The following PPP4R2 variants were observed in gnomAD, a reference collection of about 807,000 sequenced individuals.
The protein encoded by PPP4R2 is protein phosphatase 4 regulatory subunit 2, also known as serine/threonine-protein phosphatase 4 regulatory subunit 2.
A neutral mutation model predicts 47.2 loss-of-function variants in PPP4R2; 13 were observed. The observed-to-expected ratio is 0.28, with a 90% confidence interval of 0.18 to 0.44. The LOEUF is 0.44. PPP4R2 is among the 20% of genes least tolerant of loss of function. The pLI is 1.00. For synonymous variants in PPP4R2, 151 were observed against 163.3 expected (o/e 0.92, Z 0.57); for missense variants, 421 against 491.2 (o/e 0.86, Z 1.35).
chr3:73,059,206 A>G (rs1702792008), intron 4 of PPP4R2, 76 bp downstream of exon 4: 1 of 726,872 alleles, frequency 1.4e-6, no homozygotes, highest in Non-Finnish European at 2.2e-6. Flanking sequence ...ATTGAGTAAG[A>G]TCTGTTTCGG....
chr3:73,006,540 G>A (rs1677498161), intron 2 of PPP4R2, among the ~76,000 whole-genome samples: 1 of 152,124 alleles, frequency 6.6e-6, no homozygotes, highest in Non-Finnish European at 1.5e-5. Context: ...TTTGTGAAGT[G>A]TTTTAAGAAC....
chr3:73,010,651 C>T (rs1236901698), intron 2 of PPP4R2, among the ~76,000 whole-genome samples: 3 of 151,970 alleles, frequency 2.0e-5, no homozygotes, highest in African/African-American at 7.3e-5. Flanking sequence ...CTCTGCCTCC[C>T]GGTTTCGAGC....
intron 3 of PPP4R2, 45 bp downstream of exon 3, chr3:73,047,401 A>G (rs780865076): frequency 2.3e-6 from 3 of 1,307,112 alleles, no homozygotes; most frequent in East Asian, 5.0e-5. Flanking sequence ...TTAGCAGAAG[A>G]TGAATAGATT....
At chr3:73,003,610 C>G (rs1238671858) in intron 2 of PPP4R2, among the ~76,000 whole-genome samples, 1 of 152,142 alleles carries the variant, frequency 6.6e-6, no homozygotes, top group African/African-American at 2.4e-5. Context: ...TTCTCTCTGT[C>G]TCTCGTCAGT....
At chr3:73,052,479 G>A (rs1044268998) in intron 3 of PPP4R2, among the ~76,000 whole-genome samples, 1 of 151,980 alleles carries the variant, frequency 6.6e-6, no homozygotes, top group Non-Finnish European at 1.5e-5. Flanking sequence ...TCAAACCAGG[G>A]CCATTTATGA....
intron 2 of PPP4R2, among the ~76,000 whole-genome samples, chr3:73,044,297 G>A (rs929138242): frequency 6.6e-6 from 1 of 152,102 alleles, no homozygotes; most frequent in Non-Finnish European, 1.5e-5. Context: ...TACCAGCAAT[G>A]CACAAGAGTT....
chr3:73,005,570 C>T (rs1356176994), intron 2 of PPP4R2, among the ~76,000 whole-genome samples: 4 of 151,316 alleles, frequency 2.6e-5, no homozygotes, highest in Middle Eastern at 3.2e-3. Flanking sequence ...TGTTACGGGC[C>T]GGGTGCGGTG....
chr3:73,001,496 C>T (rs1701456159), intron 2 of PPP4R2, among the ~76,000 whole-genome samples: 1 of 152,110 alleles, frequency 6.6e-6, no homozygotes, highest in Non-Finnish European at 1.5e-5. Flanking sequence ...ATCACCTGAG[C>T]CTGGGAGGTT....
chr3:73,015,079 G>A, intron 2 of PPP4R2: 1 of 461,970 alleles, frequency 2.2e-6, no homozygotes, highest in Non-Finnish European at 3.9e-6. Context: ...TTAGGATATA[G>A]GAAGAAAATA....
intron 2 of PPP4R2, among the ~76,000 whole-genome samples, chr3:73,011,211 G>A (rs1355481376): frequency 6.6e-6 from 1 of 152,200 alleles, no homozygotes; most frequent in East Asian, 1.9e-4. Context: ...CAGGTGCGGT[G>A]GCTCACGCCT....
At chr3:73,035,448 A>G (rs949435387) in intron 2 of PPP4R2, among the ~76,000 whole-genome samples, 5 of 152,170 alleles carry the variant, frequency 3.3e-5, no homozygotes, top group Non-Finnish European at 7.4e-5. Flanking sequence ...GTGCAGAAAA[A>G]GGGAAACACT....
At chr3:73,052,246 C>CTTTTTTTTTTT (rs60786869) in intron 3 of PPP4R2, among the ~76,000 whole-genome samples, 1 of 139,752 alleles carries the variant, frequency 7.2e-6, no homozygotes, top group South Asian at 2.2e-4. Flanking sequence ...TCTTTCTTTT[C>CTTTTTTTTTTT]TTTTTTTTTT....
intron 2 of PPP4R2, among the ~76,000 whole-genome samples, chr3:73,004,875 T>TGTGTG (rs1701565666): frequency 1.5e-5 from 1 of 68,700 alleles, no homozygotes; most frequent in Admixed American, 1.2e-4. Flanking sequence ...GTGTGTTTGT[T>TGTGTG]TGTTTGTTTG....
rs1702985289 is a variant in PPP4R2 at position 73,065,915 on chromosome 3, A to G, written c.*193A>G. The G allele has an allele frequency of 2.7e-6, 1 of 374,704 alleles. No homozygotes were observed. The highest frequency in any genetic ancestry group is 4.3e-5 in the Admixed American group (1 of 23,116). The allele number at this position is 374,704 out of a possible 1,614,324, so 23.2% of individuals were successfully genotyped here. ...ATATCAGCTCCTCTGGGTCCTGCTTACCTTACCGCTGACTTTTCTTTCTTT... is the reference window on the plus strand; with the variant it reads ...ATATCAGCTCCTCTGGGTCCTGCTTGCCTTACCGCTGACTTTTCTTTCTTT... On this transcript the variant is annotated 3_prime_UTR_variant, in exon 9 of 9. Transcript: ENST00000356692.
At chr3:73,035,136 A>G (rs6803336) in intron 2 of PPP4R2, among the ~76,000 whole-genome samples, 7,258 of 152,316 alleles carry the variant, frequency 0.048, 579 homozygotes, top group African/African-American at 0.17. Context: ...GAACATTTTC[A>G]GAAGACATAC....
At chr3:73,033,834 T>G (rs1702213190) in intron 2 of PPP4R2, among the ~76,000 whole-genome samples, 1 of 152,246 alleles carries the variant, frequency 6.6e-6, no homozygotes, top group Non-Finnish European at 1.5e-5. Context: ...CAGGGTTGTT[T>G]TCACCTTTTA....
chr3:73,060,459 T>C (rs1339391205), intron 4 of PPP4R2, among the ~76,000 whole-genome samples: 1 of 152,202 alleles, frequency 6.6e-6, no homozygotes. Flanking sequence ...CTGTAAAATG[T>C]GGTTAATAAT....
At chr3:73,041,621 G>C (rs1702381538) in intron 2 of PPP4R2, among the ~76,000 whole-genome samples, 1 of 152,212 alleles carries the variant, frequency 6.6e-6, no homozygotes, top group Non-Finnish European at 1.5e-5. Context: ...AAATGGTGCA[G>C]TATTTGCTAT....
chr3:73,032,326 C>A (rs1702181336), intron 2 of PPP4R2, among the ~76,000 whole-genome samples: 1 of 151,508 alleles, frequency 6.6e-6, no homozygotes, highest in Non-Finnish European at 1.5e-5. Context: ...GCTCTGCTGC[C>A]AGGCTGGAGT....
Sources: allele counts gnomAD v4.1 joint callset (sites outside exome capture counted in the v4.1 genomes callset), GRCh38; gene constraint gnomAD v4.1.1; transcripts MANE v1.5; gene names NCBI Gene and HGNC (gene_info 2026-07-23, HGNC 2026-07-21).